The following ZNF536 variants were observed in gnomAD, a reference collection of about 807,000 sequenced individuals.
The protein encoded by ZNF536 is zinc finger protein 536.
Under a neutral mutation model 84.5 loss-of-function variants are expected in ZNF536, and 13 were observed. That is an observed-to-expected ratio of 0.15 (90% CI 0.10 to 0.24). The LOEUF is 0.24. Among genes scored for constraint, ZNF536 ranks in the 10% least tolerant of loss-of-function variants. The probability of loss-of-function intolerance (pLI) is 1.00; values close to 1 mark genes in which losing one functional copy is unlikely to be tolerated. For missense variants in ZNF536, 1,536 were observed against 1,747.5 expected, an observed-to-expected ratio of 0.88 and a Z score of 2.16; for synonymous variants, 811 against 742.5, an observed-to-expected ratio of 1.09 and a Z score of -1.50.
At chr19:30,316,031 T>C (rs2046667605) in intron 2 of ZNF536, among the ~76,000 whole-genome samples, 1 of 152,226 alleles carries the variant, frequency 6.6e-6, no homozygotes, top group Non-Finnish European at 1.5e-5. Flanking sequence ...ATATGTTGGA[T>C]ATGAGGGAGG....
intron 2 of ZNF536, among the ~76,000 whole-genome samples, chr19:30,488,047 G>A (rs1381971071): frequency 4.5e-4 from 68 of 152,054 alleles, no homozygotes; most frequent in Admixed American, 4.1e-3. Flanking sequence ...TCTGCCGGCC[G>A]CCACAGCAGT....
chr19:30,537,406 A>G (rs1434692251), intron 3 of ZNF536, among the ~76,000 whole-genome samples: 1 of 152,194 alleles, frequency 6.6e-6, no homozygotes, highest in Non-Finnish European at 1.5e-5. Context: ...AAACCAGGCT[A>G]GGCATGTCTT....
At chr19:30,533,296 A>G (rs939560474) in intron 2 of ZNF536, among the ~76,000 whole-genome samples, 4 of 152,118 alleles carry the variant, frequency 2.6e-5, no homozygotes, top group Non-Finnish European at 5.9e-5. Flanking sequence ...TGAGGCGGAA[A>G]GATTGCTTGA....
chr19:30,434,721 G>A (rs777852022), intron 1 of ZNF536, among the ~76,000 whole-genome samples: 1 of 152,122 alleles, frequency 6.6e-6, no homozygotes, highest in Admixed American at 6.5e-5. Context: ...CATAGTGATG[G>A]TGGTGGCCAT....
intron 1 of ZNF536, among the ~76,000 whole-genome samples, chr19:30,440,325 C>T (rs2051977265): frequency 6.6e-6 from 1 of 152,076 alleles, no homozygotes; most frequent in Non-Finnish European, 1.5e-5. Context: ...GGGACCCTTC[C>T]AACTCTGTCC....
chr19:30,504,735 C>T (rs2055096534), intron 2 of ZNF536, among the ~76,000 whole-genome samples: 1 of 150,718 alleles, frequency 6.6e-6, no homozygotes, highest in South Asian at 2.1e-4. Flanking sequence ...CAGGTATGTT[C>T]TGGGCTCCTC....
intron 2 of ZNF536, among the ~76,000 whole-genome samples, chr19:30,498,031 G>A (rs1437129552): frequency 6.6e-6 from 1 of 152,172 alleles, no homozygotes; most frequent in Non-Finnish European, 1.5e-5. Context: ...ACAGTGTGGT[G>A]ATTCCTCAAA....
intron 1 of ZNF536, among the ~76,000 whole-genome samples, chr19:30,579,426 G>T (rs1195873008): frequency 6.6e-6 from 1 of 152,290 alleles, no homozygotes; most frequent in Admixed American, 6.5e-5. Flanking sequence ...AGGATGGCTG[G>T]TCTAGGATGG....
chr19:30,323,032 C>G (rs1344494107), intron 2 of ZNF536, among the ~76,000 whole-genome samples: 2 of 152,176 alleles, frequency 1.3e-5, no homozygotes, highest in African/African-American at 4.8e-5. Flanking sequence ...GAAGCAAAGC[C>G]AAGACCCTGG....
In ZNF536 at chr19:30,435,457, A is replaced by T. The variant is rs540006149; in HGVS notation, c.-2-8104A>T. ...GATGATGTTGGTGAAGATGATGGTG[A>T]TGGTAGTGATACTGCTGCTGCTGCT... On this transcript the variant is annotated intron_variant, in intron 1 of 4. Coordinates refer to ENST00000355537, the MANE Select transcript of ZNF536 (RefSeq NM_014717.3). 3.5e-3 allele frequency among the ~76,000 whole-genome samples: 526 copies of T among 150,530 alleles called. 4 individuals are homozygous for T. The highest frequency in any genetic ancestry group is 5.9e-3 in the Non-Finnish European group (398 of 67,698).
intron 1 of ZNF536, among the ~76,000 whole-genome samples, chr19:30,696,560 G>A (rs2051667701): frequency 6.6e-6 from 1 of 152,244 alleles, no homozygotes; most frequent in South Asian, 2.1e-4. Flanking sequence ...CACTGGCAGG[G>A]CAGGCCGGCT....
At chr19:30,423,426 A>ATT (rs1459550264) in intron 1 of ZNF536, among the ~76,000 whole-genome samples, 2 of 152,232 alleles carry the variant, frequency 1.3e-5, no homozygotes, top group Non-Finnish European at 2.9e-5. Flanking sequence ...AGAAGGAGAC[A>ATT]TTGTCACTGC....
chr19:30,298,460 G>T (rs180929556), intron 2 of ZNF536, among the ~76,000 whole-genome samples: 5 of 152,220 alleles, frequency 3.3e-5, no homozygotes, highest in Admixed American at 3.3e-4. Context: ...GACCATTTGC[G>T]TGGGAGTTTC....
chr19:30,615,934 A>G (rs1248548634), intron 1 of ZNF536, among the ~76,000 whole-genome samples: 1 of 151,956 alleles, frequency 6.6e-6, no homozygotes, highest in African/African-American at 2.4e-5. Context: ...CTCTCATTGT[A>G]TCCCATTGTA....
intron 1 of ZNF536, among the ~76,000 whole-genome samples, chr19:30,624,337 A>T (rs1420822623): frequency 2.6e-5 from 4 of 152,282 alleles, no homozygotes; most frequent in South Asian, 2.1e-4. Context: ...TCTGGAATCT[A>T]GAGCCTGCCT....
chr19:30,632,181 G>T (rs955710487), intron 1 of ZNF536, among the ~76,000 whole-genome samples: 2 of 152,190 alleles, frequency 1.3e-5, no homozygotes, highest in Non-Finnish European at 2.9e-5. Context: ...TAGTAGCTCT[G>T]TGTGACCTTA....
At chr19:30,653,731 C>G (rs2049799124) in intron 1 of ZNF536, among the ~76,000 whole-genome samples, 1 of 152,050 alleles carries the variant, frequency 6.6e-6, no homozygotes, top group Admixed American at 6.5e-5. Flanking sequence ...GGAGTCACTT[C>G]CTTAGGGAGG....
chr19:30,423,188 C>A (rs994849773), intron 1 of ZNF536, among the ~76,000 whole-genome samples: 1 of 150,958 alleles, frequency 6.6e-6, no homozygotes, highest in Non-Finnish European at 1.5e-5. Flanking sequence ...TTCTATTTAG[C>A]CCTTCTCTTT....
At chr19:30,487,585 T>C (rs2054350321) in intron 2 of ZNF536, among the ~76,000 whole-genome samples, 2 of 152,196 alleles carry the variant, frequency 1.3e-5, no homozygotes, top group South Asian at 4.1e-4. Context: ...ATATGTTTTA[T>C]GATGTATGAC....
Sources: allele counts gnomAD v4.1 joint callset (sites outside exome capture counted in the v4.1 genomes callset), GRCh38; gene constraint gnomAD v4.1.1; transcripts MANE v1.5; gene names NCBI Gene and HGNC (gene_info 2026-07-23, HGNC 2026-07-21).